ZNF892: variants seen among roughly 807,000 people sequenced by gnomAD.
The protein encoded by ZNF892 is zinc finger protein 570-like.
At chr2:95,227,627 A>AT in the ZNF892 span, among the ~76,000 whole-genome samples, 1 of 150,704 alleles carries the variant, frequency 6.6e-6, no homozygotes, top group Non-Finnish European at 1.5e-5. Context: ...CAGATATTTC[A>AT]TTTTCAGAGA....
At chr2:95,253,675 A>C in the ZNF892 span, among the ~76,000 whole-genome samples, 1 of 152,358 alleles carries the variant, frequency 6.6e-6, no homozygotes, top group East Asian at 1.9e-4. Context: ...TACCTTGGGC[A>C]GTATGGGCAT....
the ZNF892 span, among the ~76,000 whole-genome samples, chr2:95,227,560 T>C: frequency 1.3e-5 from 2 of 151,458 alleles, no homozygotes; most frequent in Non-Finnish European, 2.9e-5. Flanking sequence ...TGGGCTCAAG[T>C]GATCACCTGC....
chr2:95,218,780 G>A, the ZNF892 span, among the ~76,000 whole-genome samples: 2 of 152,172 alleles, frequency 1.3e-5, no homozygotes, highest in African/African-American at 4.8e-5. Flanking sequence ...CTTGTAGATG[G>A]TTGCCCTCTC....
the ZNF892 span, among the ~76,000 whole-genome samples, chr2:95,252,895 T>A: frequency 6.6e-6 from 1 of 152,252 alleles, no homozygotes; most frequent in Admixed American, 6.5e-5. Context: ...TTTTGAGAAG[T>A]GTCTGCTCAT....
chr2:95,231,009 G>A, the ZNF892 span, among the ~76,000 whole-genome samples: 1 of 152,178 alleles, frequency 6.6e-6, no homozygotes, highest in South Asian at 2.1e-4. Context: ...AGATAAAAAT[G>A]CTACTACCAC....
chr2:95,237,507 A>AG, the ZNF892 span, among the ~76,000 whole-genome samples: 1 of 152,100 alleles, frequency 6.6e-6, no homozygotes, highest in African/African-American at 2.4e-5. Context: ...CCACCTTCCT[A>AG]GGGCCTCCCT....
At chr2:95,214,938 GA>G in the ZNF892 span, 1 of 499,964 alleles carries the variant, frequency 2.0e-6, no homozygotes, top group Non-Finnish European at 3.6e-6. Context: ...TCATACTGGA[GA>G]AAAACCCTAT....
chr2:95,261,920 C>T, the ZNF892 span, among the ~76,000 whole-genome samples: 2 of 152,212 alleles, frequency 1.3e-5, no homozygotes, highest in Non-Finnish European at 2.9e-5. Context: ...GGCTCCCCTT[C>T]TCCTTCAGAG....
the ZNF892 span, among the ~76,000 whole-genome samples, chr2:95,258,030 C>T: frequency 6.6e-5 from 10 of 152,198 alleles, no homozygotes; most frequent in Non-Finnish European, 1.3e-4. Context: ...TGAGGTGATG[C>T]CTCGCCCTGC....
chr2:95,210,511 C>CT, the ZNF892 span, among the ~76,000 whole-genome samples: 68 of 152,270 alleles, frequency 4.5e-4, no homozygotes, highest in South Asian at 2.1e-3. Flanking sequence ...AACTTTGTGT[C>CT]TGTCATCTAG....
At chr2:95,226,924 C>T in the ZNF892 span, among the ~76,000 whole-genome samples, 1 of 152,136 alleles carries the variant, frequency 6.6e-6, no homozygotes, top group African/African-American at 2.4e-5. Context: ...GCTCTTGAGT[C>T]CCAAAGTCCC....
chr2:95,217,712 A>G, the ZNF892 span, among the ~76,000 whole-genome samples: 1 of 152,304 alleles, frequency 6.6e-6, no homozygotes, highest in South Asian at 2.1e-4. Flanking sequence ...GTTTCGTCAG[A>G]TCTTGTGAGA....
At chr2:95,251,371 C>T in the ZNF892 span, among the ~76,000 whole-genome samples, 1 of 152,298 alleles carries the variant, frequency 6.6e-6, no homozygotes, top group Admixed American at 6.5e-5. Context: ...CTTTCTAAAA[C>T]AATCCTTTCA....
the ZNF892 span, among the ~76,000 whole-genome samples, chr2:95,206,418 G>T: frequency 6.6e-6 from 1 of 151,888 alleles, no homozygotes; most frequent in Non-Finnish European, 1.5e-5. Context: ...AAATTCTTTC[G>T]GCCCCGAGGA....
At chr2:95,258,333 A>C in the ZNF892 span, among the ~76,000 whole-genome samples, 1 of 152,324 alleles carries the variant, frequency 6.6e-6, no homozygotes, top group East Asian at 1.9e-4. Flanking sequence ...ACTGTTGTCC[A>C]GTCCCCACTG....
the ZNF892 span, among the ~76,000 whole-genome samples, chr2:95,229,037 C>T: frequency 1.3e-5 from 2 of 152,250 alleles, no homozygotes; most frequent in African/African-American, 2.4e-5. Flanking sequence ...CCAGTTGTCC[C>T]GCCTTTCCAG....
At chr2:95,211,209 C>T in the ZNF892 span, among the ~76,000 whole-genome samples, 1 of 152,158 alleles carries the variant, frequency 6.6e-6, no homozygotes, top group Non-Finnish European at 1.5e-5. Flanking sequence ...AGAAAAAATA[C>T]TTCAATTTCT....
chr2:95,206,852 TAG>T, the ZNF892 span, among the ~76,000 whole-genome samples: 34 of 152,156 alleles, frequency 2.2e-4, no homozygotes, highest in Admixed American at 4.6e-4. Context: ...CTTTCCCAGC[TAG>T]AGAGAGTCTT....
At chr2:95,230,897 A>G in the ZNF892 span, among the ~76,000 whole-genome samples, 1 of 152,204 alleles carries the variant, frequency 6.6e-6, no homozygotes, top group Admixed American at 6.5e-5. Context: ...CTGACACGAT[A>G]GTGTCTGTGA....
Sources: gnomAD v4.1 joint callset for allele counts (sites outside exome capture counted in the v4.1 genomes callset) on GRCh38, gnomAD v4.1.1 for gene constraint, MANE v1.5 for transcripts, NCBI Gene and HGNC (gene_info 2026-07-23, HGNC 2026-07-21) for gene names.